The following IL1RL2 variants were observed in gnomAD, a reference collection of about 807,000 sequenced individuals.
IL1RL2 encodes interleukin 1 receptor like 2.
A neutral mutation model predicts 66.8 loss-of-function variants in IL1RL2; 68 were observed. That is an observed-to-expected ratio of 1.02 (90% CI 0.84 to 1.25). IL1RL2 has a LOEUF of 1.25. Among genes scored for constraint, IL1RL2 ranks in the 50% most tolerant of loss-of-function variants. The probability of loss-of-function intolerance (pLI) is 0.00; values close to 1 mark genes in which losing one functional copy is unlikely to be tolerated. For missense variants in IL1RL2, 729 were observed against 709.3 expected (o/e 1.03, Z -0.32); for synonymous variants, 305 against 264.6 (o/e 1.15, Z -1.48).
At chr2:102,215,585 G>A (rs1377766302) in intron 6 of IL1RL2, among the ~76,000 whole-genome samples, 1 of 151,892 alleles carries the variant, frequency 6.6e-6, no homozygotes, top group Non-Finnish European at 1.5e-5. Context: ...CTGAGAACCA[G>A]CCCAGTAGCC....
At chr2:102,193,489 A>C (rs925195248) in intron 4 of IL1RL2, among the ~76,000 whole-genome samples, 1 of 152,186 alleles carries the variant, frequency 6.6e-6, no homozygotes, top group Non-Finnish European at 1.5e-5. Flanking sequence ...CTGCAGCCTA[A>C]TTCCTGGGCT....
At chr2:102,234,169 A>G (rs1004752873) in intron 10 of IL1RL2, among the ~76,000 whole-genome samples, 5 of 152,368 alleles carry the variant, frequency 3.3e-5, no homozygotes, top group Admixed American at 2.6e-4. Context: ...TAAAGAACAA[A>G]AGGAAAACAC....
chr2:102,202,667 A>G (rs534431179), intron 5 of IL1RL2, among the ~76,000 whole-genome samples: 12 of 152,238 alleles, frequency 7.9e-5, no homozygotes, highest in African/African-American at 2.9e-4. Context: ...GATTACTTGT[A>G]AAATATCTTT....
At position 102,225,988 on chromosome 2, in the gene IL1RL2, T is replaced by C; in HGVS notation, c.1082T>C (p.Ile361Thr). 3.1e-6 allele frequency: 5 copies of C among 1,608,376 alleles called. No individual in the cohort carries two copies. The highest frequency in any genetic ancestry group is 1.7e-4 in the Middle Eastern group (1 of 6,040). ...SVVYIYNIFKIDIVLWYRSAF... is the reference protein window; with the variant it reads ...SVVYIYNIFKTDIVLWYRSAF... ...GTGTACATATACAACATTTTTAAGA[T>C]CGACATTGTTCTTTGGTATCGAAGT... The change falls in exon 9 of 12, where the codon ATC (isoleucine) becomes ACC (threonine). Residue 361 changes from isoleucine to threonine, a missense_variant. By Grantham distance (89) the Ile-to-Thr change is moderately conservative (BLOSUM62 -1). Transcript: ENST00000264257.
At chr2:102,188,007 G>T (rs561217302) in intron 2 of IL1RL2, 82 bp downstream of exon 2, 1 of 1,398,326 alleles carries the variant, frequency 7.2e-7, no homozygotes, top group African/African-American at 1.4e-5. Context: ...CCCGGGGATC[G>T]CGTCAGCCCG....
chr2:102,217,002 A>G lies in IL1RL2; in HGVS notation c.725-1951A>G, dbSNP rs556279172. Among the ~76,000 whole-genome samples, 20 of 152,252 alleles carry G rather than the reference A, an allele frequency of 1.3e-4. No individual in the cohort carries two copies. The South Asian group carries it at 3.5e-3, about 27-fold the overall frequency. On this transcript the variant is annotated intron_variant, in intron 6 of 11. Transcript: ENST00000264257. Reference sequence around the variant, plus strand: ...ATTACTAGAGTCTTGAAAGATTTACATAGCGCCATTTCAGAATTGAGATAT... The same window carrying G: ...ATTACTAGAGTCTTGAAAGATTTACGTAGCGCCATTTCAGAATTGAGATAT...
At chr2:102,234,765 C>A in intron 10 of IL1RL2, 132 bp from the exon 11 acceptor site, 4 of 790,238 alleles carry the variant, frequency 5.1e-6, no homozygotes, top group Non-Finnish European at 8.0e-6. Context: ...CCAACCTGGG[C>A]AACACAGTGA....
rs548465349 is a variant in IL1RL2 at position 102,239,424 on chromosome 2, G to A, written c.*183G>A. On this transcript the variant is annotated 3_prime_UTR_variant, in exon 12 of 12. Transcript: ENST00000264257. Reference sequence around the variant, plus strand: ...TGGGGCCATCCCCATGTCATGGTGGGTGAGAGCTGGGGCCATCCCCGTGGT... The same window carrying A: ...TGGGGCCATCCCCATGTCATGGTGGATGAGAGCTGGGGCCATCCCCGTGGT... 11 of 587,086 alleles carry A rather than the reference G, an allele frequency of 1.9e-5. No individual in the cohort carries two copies. In the African/African-American group the frequency reaches 2.0e-4, roughly 11 times the overall value. 36.4% of individuals were successfully genotyped at this position (587,086 alleles called of 1,614,324 possible).
chr2:102,239,042 T>C (rs1042550288), intron 11 of IL1RL2, 150 bp from the exon 12 acceptor site: 31 of 638,808 alleles, frequency 4.9e-5, no homozygotes, highest in Admixed American at 2.8e-4. Flanking sequence ...CTTGCAAAGA[T>C]AACCCAAGAG....
chr2:102,231,345 A>C (rs1691110097), intron 9 of IL1RL2, among the ~76,000 whole-genome samples: 1 of 152,092 alleles, frequency 6.6e-6, no homozygotes, highest in Non-Finnish European at 1.5e-5. Context: ...TAAAAGTACA[A>C]AAATTAGCCG....
rs1689211883 is a variant in IL1RL2, at chr2:102,212,003, T to C, written c.650-97T>C. 4.2e-6 allele frequency: 3 copies of C among 722,694 alleles called. No homozygotes were observed. In the East Asian group the frequency reaches 8.0e-5, roughly 19 times the overall value. The allele number at this position is 722,694 out of a possible 1,614,324, so 44.8% of individuals were successfully genotyped here. ...TGAGATTTTGACCAGAGCTTATTGA[T>C]GGTCTGCTCTGTTGGGCTTCATGCT... is the stretch of plus-strand genomic sequence containing the variant. On this transcript the variant is annotated intron_variant, in intron 5 of 11. Transcript: ENST00000264257.
intron 4 of IL1RL2, 25 bp downstream of exon 4, chr2:102,192,145 A>AT (rs1553640774): frequency 6.8e-7 from 1 of 1,471,022 alleles, no homozygotes; most frequent in African/African-American, 1.4e-5. Context: ...TCTTATTGAT[A>AT]TTTTTCCTCC....
At chr2:102,234,455 C>A (rs1309910719) in intron 10 of IL1RL2, among the ~76,000 whole-genome samples, 1 of 152,120 alleles carries the variant, frequency 6.6e-6, no homozygotes, top group Non-Finnish European at 1.5e-5. Flanking sequence ...AGAAAAAACC[C>A]AAAACTTGAA....
intron 5 of IL1RL2, among the ~76,000 whole-genome samples, chr2:102,206,441 A>AGGG (rs903510855): frequency 1.3e-5 from 2 of 152,226 alleles, no homozygotes; most frequent in African/African-American, 4.8e-5. Flanking sequence ...TATCTGCTTT[A>AGGG]GGGGGCACCC....
At chr2:102,232,888 G>T (rs12987900) in intron 9 of IL1RL2, 75 bp from the exon 10 acceptor site, 2 of 1,524,964 alleles carry the variant, frequency 1.3e-6, no homozygotes, top group Admixed American at 1.8e-5. Context: ...CATGGTAGCC[G>T]CTCAGGCTTC....
intron 4 of IL1RL2, among the ~76,000 whole-genome samples, chr2:102,195,559 C>CTCTTTCTTTCTT (rs1205396126): frequency 1.1e-4 from 5 of 43,680 alleles, no homozygotes; most frequent in South Asian, 1.2e-3. Context: ...TTCTTTCTTT[C>CTCTTTCTTTCTT]TCTTTCTTTC....
intron 6 of IL1RL2, among the ~76,000 whole-genome samples, chr2:102,214,761 T>G (rs1456331699): frequency 6.6e-6 from 1 of 152,168 alleles, no homozygotes; most frequent in Non-Finnish European, 1.5e-5. Context: ...AAAGAGCCAT[T>G]TCCTTGTAAG....
In IL1RL2 at chr2:102,239,999, T is replaced by C. The variant is rs1462569447; in HGVS notation, c.*758T>C. Reference sequence around the variant, plus strand: ...AAATTTTATTCTCATTTGAGCAACATAAATCACAATTTTGTTTGTTTACCA... The same window carrying C: ...AAATTTTATTCTCATTTGAGCAACACAAATCACAATTTTGTTTGTTTACCA... On this transcript the variant is annotated 3_prime_UTR_variant, in exon 12 of 12. Transcript: ENST00000264257. The C allele has an allele frequency of 2.0e-5, 3 of 152,258 alleles. No homozygotes were observed. Among genetic ancestry groups the C allele is most frequent in the African/African-American group, 7.2e-5 (3 of 41,466 alleles). 9.4% of individuals were successfully genotyped at this position (152,258 alleles called of 1,614,324 possible).
intron 11 of IL1RL2, among the ~76,000 whole-genome samples, chr2:102,237,152 A>T (rs1253791655): frequency 1.3e-5 from 2 of 152,122 alleles, no homozygotes; most frequent in African/African-American, 4.8e-5. Flanking sequence ...CTCTCCCCAC[A>T]CTGTGGCTGC....
Sources: allele counts gnomAD v4.1 joint callset (sites outside exome capture counted in the v4.1 genomes callset), GRCh38; gene constraint gnomAD v4.1.1; transcripts MANE v1.5; gene names NCBI Gene and HGNC (gene_info 2026-07-23, HGNC 2026-07-21).